The following ZNF506 variants were observed in gnomAD, a reference collection of about 807,000 sequenced individuals.
ZNF506 encodes zinc finger protein 506.
A neutral mutation model predicts 11.6 loss-of-function variants in ZNF506; 10 were observed. The observed-to-expected ratio is 0.86, with a 90% confidence interval of 0.53 to 1.46. The LOEUF is 1.46. Ranked by LOEUF, ZNF506 falls within the 40% of genes most tolerant of loss-of-function variation. ZNF506 has a pLI of 0.00. For synonymous variants in ZNF506, 156 were observed against 173.3 expected, an observed-to-expected ratio of 0.90 and a Z score of 0.78; for missense variants, 425 against 521.2, an observed-to-expected ratio of 0.82 and a Z score of 1.80.
intron 1 of ZNF506, chr19:19,820,162 A>T (rs1009165093): frequency 1.3e-5 from 2 of 152,008 alleles, no homozygotes. Context: ...CATGTGAAAA[A>T]CGCCAGGGAA....
At chr19:19,819,651 A>C (rs1167040486) in intron 1 of ZNF506, among the ~76,000 whole-genome samples, 1 of 152,134 alleles carries the variant, frequency 6.6e-6, no homozygotes, top group East Asian at 1.9e-4. Context: ...TGACCCAAAA[A>C]CATTCGGTAA....
rs554419287 is a variant in ZNF506 at position 19,803,883 on chromosome 19, A to G, written c.226+2148T>C. On this transcript the variant is annotated intron_variant, in intron 3 of 3. Transcript: ENST00000540806. ...AATAAATATATAAATCCATTGAAATAGAAAAATAAGTAAAATGCTGTTTGT... is the reference window on the plus strand; with the variant it reads ...AATAAATATATAAATCCATTGAAATGGAAAAATAAGTAAAATGCTGTTTGT... Among the ~76,000 whole-genome samples, 11 of 152,344 alleles carry G rather than the reference A, an allele frequency of 7.2e-5. No individual in the cohort carries two copies. In the South Asian group the frequency reaches 2.3e-3, roughly 32 times the overall value.
chr19:19,821,500 C>T lies in ZNF506; in HGVS notation c.3+101G>A, dbSNP rs1344826691. On this transcript the variant is annotated intron_variant, in intron 1 of 3. Coordinates refer to ENST00000540806, the MANE Select transcript of ZNF506 (RefSeq NM_001099269.3). ...GAGCGCAGATTGTGGAGCTGACTGC[C>T]GGGAGGCCTGAGTTCTGCCACTGCC... 15 of 1,485,174 alleles carry T rather than the reference C, an allele frequency of 1.0e-5. No homozygotes were observed. The Admixed American group carries it at 1.8e-4, about 18-fold the overall frequency. The allele number at this position is 1,485,174 out of a possible 1,614,324, so 92.0% of individuals were successfully genotyped here.
At chr19:19,816,181 TTTTC>T (rs887503726) in intron 1 of ZNF506, among the ~76,000 whole-genome samples, 1 of 151,646 alleles carries the variant, frequency 6.6e-6, no homozygotes, top group Non-Finnish European at 1.5e-5. Context: ...ATTTCTTTTC[TTTTC>T]TTTTCTTTTT....
intron 3 of ZNF506, chr19:19,798,581 G>C (rs2062763671): frequency 6.8e-6 from 1 of 147,164 alleles, no homozygotes; most frequent in African/African-American, 2.5e-5. Flanking sequence ...TGTGAACCCG[G>C]GAGGCGGAGC....
intron 3 of ZNF506, chr19:19,798,850 A>T (rs1015527887): frequency 6.6e-6 from 1 of 152,078 alleles, no homozygotes; most frequent in Non-Finnish European, 1.5e-5. Flanking sequence ...AAATATAATT[A>T]TCTTTCCAAT....
At chr19:19,800,700 C>A (rs975359754) in intron 3 of ZNF506, among the ~76,000 whole-genome samples, 2 of 151,654 alleles carry the variant, frequency 1.3e-5, no homozygotes, top group Non-Finnish European at 2.9e-5. Context: ...CAGGTGTGAG[C>A]CACTGCGCCT....
At chr19:19,796,000 C>T (rs1363677314) in intron 3 of ZNF506, 4 of 289,698 alleles carry the variant, frequency 1.4e-5, no homozygotes, top group African/African-American at 2.3e-5. Flanking sequence ...AAGTAAATTG[C>T]GGGCCCGGTG....
intron 1 of ZNF506, among the ~76,000 whole-genome samples, chr19:19,811,604 C>A (rs2062883577): frequency 6.6e-6 from 1 of 152,072 alleles, no homozygotes; most frequent in Non-Finnish European, 1.5e-5. Context: ...GAGTTCAAGA[C>A]CAGCCTGACC....
chr19:19,820,095 C>CAA (rs879774686), intron 1 of ZNF506, among the ~76,000 whole-genome samples: 1,497 of 122,040 alleles, frequency 0.012, 28 homozygotes, highest in African/African-American at 0.042. Flanking sequence ...GACTCCATCT[C>CAA]AAAAAAAAAA....
In ZNF506 at chr19:19,795,150, G is replaced by A. The variant is rs1275105522; in HGVS notation, c.737C>T (p.Thr246Ile). 1 of 1,606,482 alleles carries A rather than the reference G, an allele frequency of 6.2e-7. No individual in the cohort carries two copies. Among genetic ancestry groups the A allele is most frequent in the African/African-American group, 1.4e-5 (1 of 72,898 alleles). ...CTCTCCAGTATGAATTATCTTATGT[G>A]TAGTAAGGTTACAGGACTGCTTATA... ...KAYKQSCNLT[T>I]HKIIHTGEKP... Residue 246 changes from threonine to isoleucine, a missense_variant, in exon 4 of 4, where the codon ACA becomes ATA. By Grantham distance (89) the Thr-to-Ile change is moderately conservative (BLOSUM62 -1). Around this residue, in one of 3 missense-constraint regions of ZNF506, gnomAD observed 7 missense variants for 26.4 expected, o/e 0.27. Coordinates refer to ENST00000540806, the MANE Select transcript of ZNF506 (RefSeq NM_001099269.3).
At chr19:19,805,898 A>G (rs2062831957) in intron 3 of ZNF506, 133 bp downstream of exon 3, 2 of 712,426 alleles carry the variant, frequency 2.8e-6, no homozygotes, top group Non-Finnish European at 2.3e-6. Flanking sequence ...AAAAGAAAAG[A>G]AAAAAAAAGC....
chr19:19,812,247 A>G lies in ZNF506; in HGVS notation c.4-5179T>C, dbSNP rs1285486104. Among the ~76,000 whole-genome samples, 3 of 152,234 alleles carry G rather than the reference A, an allele frequency of 2.0e-5. No individual in the cohort carries two copies. The South Asian group carries it at 6.2e-4, about 31-fold the overall frequency. ...ACACAATTCTGCATGGGACATCTCA[A>G]ATGCCTCAAAGACACCTAGGTGATT... On this transcript the variant is annotated intron_variant, in intron 1 of 3. Transcript: ENST00000540806.
chr19:19,818,196 T>G (rs541162835), intron 1 of ZNF506, among the ~76,000 whole-genome samples: 4 of 152,302 alleles, frequency 2.6e-5, no homozygotes, highest in African/African-American at 9.6e-5. Context: ...AACGTATTAT[T>G]TTATTATTTA....
intron 1 of ZNF506, among the ~76,000 whole-genome samples, chr19:19,816,898 C>T (rs922751937): frequency 7.1e-6 from 1 of 140,230 alleles, no homozygotes; most frequent in African/African-American, 2.7e-5. Flanking sequence ...TGGCTCACTG[C>T]AACCTCCACC....
In ZNF506 at chr19:19,795,656, C is replaced by G; in HGVS notation, c.231G>C (p.Met77Ile). 2 of 1,494,480 alleles carry G rather than the reference C, an allele frequency of 1.3e-6. No individual in the cohort carries two copies. The highest frequency in any genetic ancestry group is 1.8e-6 in the Non-Finnish European group (2 of 1,125,086). 92.6% of individuals were successfully genotyped at this position (1,494,480 alleles called of 1,614,324 possible). A position where few individuals can be genotyped will look rare whatever the true frequency, so the allele number is the denominator to read the frequency against. The change falls in exon 4 of 4, where the codon ATG (methionine) becomes ATC (isoleucine). Residue 77 changes from methionine to isoleucine, a missense_variant. Met to Ile is a conservative substitution (Grantham distance 10, BLOSUM62 1). This residue lies in a region of ZNF506 where 226 missense variants were observed against 279.1 expected (regional missense o/e 0.81). Transcript: ENST00000540806. ...RHEMIAKPPV[M>I]YSHFAQDLWS... is the part of the protein sequence containing the mutation. The stretch of plus-strand genomic sequence containing the variant: ...AAAGGTCTTGGGCAAAATGAGAATA[C>G]ATAACTGAAAGAAACAATAAAAACA...
At chr19:19,821,515 C>A in intron 1 of ZNF506, 86 bp downstream of exon 1, 1 of 1,578,230 alleles carries the variant, frequency 6.3e-7, no homozygotes, top group South Asian at 1.1e-5. Context: ...GGCCTGAGTT[C>A]TGCCACTGCC....
intron 3 of ZNF506, chr19:19,798,654 C>CAAAAAAAAAAAAAA (rs1169444252): frequency 2.5e-5 from 1 of 39,426 alleles, no homozygotes; most frequent in African/African-American, 1.0e-4. Flanking sequence ...GACTCCGTCT[C>CAAAAAAAAAAAAAA]AAAAAAAAAA....
chr19:19,795,050 A>G lies in ZNF506; in HGVS notation c.837T>C (p.His279=). The part of the protein sequence containing the change: ...PATLFSHKKI[H]TGEKPYKCDK... ...CACACTTGTATGGTTTCTCTCCAGTATGAATTTTCTTATGTGAAAAAAGGG... is the reference window on the plus strand; with the variant it reads ...CACACTTGTATGGTTTCTCTCCAGTGTGAATTTTCTTATGTGAAAAAAGGG... Residue 279 remains histidine, a synonymous_variant, in exon 4 of 4, where the codon CAT becomes CAC. Coordinates refer to ENST00000540806, the MANE Select transcript of ZNF506 (RefSeq NM_001099269.3). 6.2e-7 allele frequency: 1 copy of G among 1,613,912 alleles called. No individual in the cohort carries two copies.
Sources: gnomAD v4.1 joint callset for allele counts (sites outside exome capture counted in the v4.1 genomes callset) on GRCh38, gnomAD v4.1.1 for gene constraint, gnomAD v4.1.1 regional missense constraint, MANE v1.5 for transcripts, NCBI Gene and HGNC (gene_info 2026-07-23, HGNC 2026-07-21) for gene names.